The following NCALD variants were observed in gnomAD, a reference collection of about 807,000 sequenced individuals.
The protein encoded by NCALD is neurocalcin-delta.
In NCALD, 10 loss-of-function variants were observed where a neutral mutation model predicts 18.6. That is an observed-to-expected ratio of 0.54 (90% CI 0.33 to 0.91). The LOEUF (loss-of-function observed/expected upper bound fraction) is 0.91, where lower values mean the gene tolerates loss of function less well. Ranked by LOEUF, NCALD falls within the 40% of genes least tolerant of loss-of-function variation. The pLI is 0.03. For synonymous variants in NCALD, 88 were observed against 87.4 expected (o/e 1.01, Z -0.04); for missense variants, 184 against 247.6 (o/e 0.74, Z 1.72).
chr8:102,004,116 A>T (rs1821597969), intron 2 of NCALD, among the ~76,000 whole-genome samples: 1 of 151,528 alleles, frequency 6.6e-6, no homozygotes, highest in Non-Finnish European at 1.5e-5. Context: ...ACATGATTGT[A>T]TATCTAGAAA....
intron 1 of NCALD, among the ~76,000 whole-genome samples, chr8:102,122,994 C>T (rs747750798): frequency 2.0e-5 from 3 of 152,202 alleles, no homozygotes; most frequent in Non-Finnish European, 4.4e-5. Flanking sequence ...ACCGCAAGTA[C>T]CCACACTCCC....
intron 1 of NCALD, among the ~76,000 whole-genome samples, chr8:102,022,657 G>C (rs866577847): frequency 6.6e-6 from 1 of 152,140 alleles, no homozygotes; most frequent in Non-Finnish European, 1.5e-5. Flanking sequence ...CAAAGCAAAG[G>C]CTTTGACTTT....
At chr8:101,724,452 T>C (rs1453639660) in intron 1 of NCALD, among the ~76,000 whole-genome samples, 2 of 152,250 alleles carry the variant, frequency 1.3e-5, no homozygotes, top group African/African-American at 2.4e-5. Context: ...CCTGGCTCTA[T>C]TGTTTACTAG....
chr8:101,733,613 G>C (rs766094219), intron 1 of NCALD, among the ~76,000 whole-genome samples: 1 of 152,178 alleles, frequency 6.6e-6, no homozygotes, highest in Non-Finnish European at 1.5e-5. Flanking sequence ...AGTTTGGTTG[G>C]GTTGTTTACA....
intron 1 of NCALD, chr8:101,780,004 C>T (rs1056846648): frequency 3.9e-5 from 6 of 152,012 alleles, no homozygotes; most frequent in African/African-American, 7.2e-5. Flanking sequence ...TAAAATTAAA[C>T]GTAATGCTTT....
At position 102,009,736 on chromosome 8, in the gene NCALD, G is replaced by A. The variant is rs541247863; in HGVS notation, c.-157+10501C>T. 3.4e-4 allele frequency among the ~76,000 whole-genome samples: 52 copies of A among 152,272 alleles called. No individual in the cohort carries two copies. The South Asian group carries it at 5.0e-3, about 15-fold the overall frequency. On this transcript the variant is annotated intron_variant, in intron 2 of 6. Transcript: ENST00000311028. ...AAATGTTCTATTGGAGCAGTTTACC[G>A]TCTTTCTGTCTGGAGAAATCGATGA...
chr8:101,838,231 CT>C (rs144359224), intron 4 of NCALD, among the ~76,000 whole-genome samples: 29 of 151,272 alleles, frequency 1.9e-4, no homozygotes, highest in Non-Finnish European at 3.4e-4. Context: ...CTTTTATTTT[CT>C]TTTTTTTTGA....
rs994499466 is a variant in NCALD, at chr8:101,689,463, C to A, written c.485-57G>T. 7.4e-7 allele frequency: 1 copy of A among 1,358,106 alleles called. No homozygotes were observed. Among genetic ancestry groups the A allele is most frequent in the Non-Finnish European group, 1.0e-6 (1 of 971,254 alleles). 84.1% of individuals were successfully genotyped at this position (1,358,106 alleles called of 1,614,324 possible). ...TGGTGGCAGCTGCATGAGCTTACACCCTTCCCACTACTGCGTGCTGGGCAG... is the reference window on the plus strand; with the variant it reads ...TGGTGGCAGCTGCATGAGCTTACACACTTCCCACTACTGCGTGCTGGGCAG... On this transcript the variant is annotated intron_variant, in intron 3 of 3. Transcript: ENST00000220931. The surrounding 1 kb of genome is among the most constrained non-coding windows in gnomAD (Gnocchi z 4.4).
intron 1 of NCALD, chr8:102,123,957 C>CT (rs1251364284): frequency 6.5e-6 from 1 of 152,700 alleles, no homozygotes; most frequent in Non-Finnish European, 1.5e-5. Context: ...AAGTTGCTCT[C>CT]TCCTTTTCTG....
At chr8:101,767,030 G>T (rs566373615) in intron 1 of NCALD, among the ~76,000 whole-genome samples, 1 of 152,102 alleles carries the variant, frequency 6.6e-6, no homozygotes, top group South Asian at 2.1e-4. Context: ...AATAGTTGTT[G>T]TTCCTGCTAT....
chr8:101,797,351 C>T lies in NCALD; in HGVS notation c.-19-77703G>A, dbSNP rs79482310. Reference sequence around the variant, plus strand: ...AACCTGCTAAAAACTAAAGACAATGCCAAAAATCTTAAAAACAGCAAGATA... The same window carrying T: ...AACCTGCTAAAAACTAAAGACAATGTCAAAAATCTTAAAAACAGCAAGATA... On this transcript the variant is annotated intron_variant, in intron 4 of 6. Transcript: ENST00000311028. Among the ~76,000 whole-genome samples, 3 of 151,968 alleles carry T rather than the reference C, an allele frequency of 2.0e-5. No individual in the cohort carries two copies. The South Asian group carries it at 6.2e-4, about 32-fold the overall frequency.
At chr8:102,121,099 T>C (rs1181712322) in intron 1 of NCALD, among the ~76,000 whole-genome samples, 1 of 152,192 alleles carries the variant, frequency 6.6e-6, no homozygotes, top group East Asian at 1.9e-4. Flanking sequence ...TGATGTGCAA[T>C]ATGAAACCAA....
At chr8:101,776,903 C>T (rs188119775) in intron 1 of NCALD, among the ~76,000 whole-genome samples, 1 of 152,124 alleles carries the variant, frequency 6.6e-6, no homozygotes, top group Admixed American at 6.6e-5. Context: ...ACTCACTGAA[C>T]TGGCAAAGAT....
intron 1 of NCALD, among the ~76,000 whole-genome samples, chr8:102,116,517 C>T (rs1170609166): frequency 1.3e-5 from 2 of 152,146 alleles, no homozygotes; most frequent in African/African-American, 2.4e-5. Flanking sequence ...AGGTATCGCT[C>T]TGTCACCCAG....
intron 3 of NCALD, among the ~76,000 whole-genome samples, chr8:101,896,187 A>G (rs1817161998): frequency 6.6e-6 from 1 of 151,894 alleles, no homozygotes; most frequent in African/African-American, 2.4e-5. Flanking sequence ...ATGGAACAGA[A>G]CAGAGGCCTC....
At chr8:101,890,527 G>A (rs991062768) in intron 3 of NCALD, among the ~76,000 whole-genome samples, 12 of 152,108 alleles carry the variant, frequency 7.9e-5, no homozygotes, top group African/African-American at 2.9e-4. Flanking sequence ...AGTCATGAGG[G>A]CTCCACCCTC....
chr8:101,772,156 A>C (rs977180889), intron 1 of NCALD, among the ~76,000 whole-genome samples: 23 of 152,228 alleles, frequency 1.5e-4, no homozygotes, highest in Non-Finnish European at 1.5e-4. Flanking sequence ...TAATGCCAAG[A>C]AGGGTCCCAT....
chr8:101,916,898 C>A (rs969781907), intron 2 of NCALD, among the ~76,000 whole-genome samples: 8 of 152,118 alleles, frequency 5.3e-5, no homozygotes, highest in African/African-American at 1.9e-4. Flanking sequence ...CACAGCCACA[C>A]AATAATAGAA....
intron 1 of NCALD, among the ~76,000 whole-genome samples, chr8:101,736,104 G>A (rs958315166): frequency 2.0e-5 from 3 of 152,166 alleles, no homozygotes; most frequent in African/African-American, 7.2e-5. Flanking sequence ...CTATGCAGGA[G>A]CCCTCATTCT....
Sources: allele counts gnomAD v4.1 joint callset (sites outside exome capture counted in the v4.1 genomes callset), GRCh38; gene constraint gnomAD v4.1.1; non-coding constraint Gnocchi (gnomAD v3.1); transcripts MANE v1.5; gene names NCBI Gene and HGNC (gene_info 2026-07-23, HGNC 2026-07-21).